Variants in IFIT5 observed in about 807,000 individuals in gnomAD.
The protein encoded by IFIT5 is interferon induced protein with tetratricopeptide repeats 5.
A neutral mutation model predicts 5.0 loss-of-function variants in IFIT5; 2 were observed. The ratio of observed to expected loss-of-function variants is 0.40; its 90% CI spans 0.16 to 1.26. The LOEUF (loss-of-function observed/expected upper bound fraction) is 1.26. Ranked by LOEUF, IFIT5 falls within the 50% of genes most tolerant of loss-of-function variation. The pLI, the probability that IFIT5 is intolerant of heterozygous loss-of-function variation, is 0.33. For missense variants in IFIT5, 524 were observed against 563.2 expected (o/e 0.93, Z 0.70); for synonymous variants, 206 against 204.6 (o/e 1.01, Z -0.06).
rs1304072232 is a variant in IFIT5 at position 89,417,700 on chromosome 10, G to A, written c.501G>A (p.Leu167=). The A allele has an allele frequency of 6.2e-7, 1 of 1,614,204 alleles. No homozygotes were observed. Among genetic ancestry groups the A allele is most frequent in the African/African-American group, 1.3e-5 (1 of 75,048 alleles). The change falls in exon 2 of 2, where the codon CTG becomes CTA. Residue 167 remains leucine (L), a synonymous_variant. Coordinates refer to ENST00000371795, the MANE Select transcript of IFIT5 (RefSeq NM_012420.3). ...QKAKAAFEKA[L]EVEPDNPEFN... ...CTAAAGCGGCTTTTGAGAAGGCTCT[G>A]GAAGTGGAGCCTGACAATCCAGAAT...
rs1841588332 is a variant in IFIT5, at chr10:89,420,625, G to C, written c.*1977G>C. On this transcript the variant is annotated 3_prime_UTR_variant, in exon 2 of 2. Transcript: ENST00000371795. ...AAACAAGCTCCTCCTAGGTGAGGATGCTGTGGCTGTTCTAATTACATTTTG... is the reference window on the plus strand; with the variant it reads ...AAACAAGCTCCTCCTAGGTGAGGATCCTGTGGCTGTTCTAATTACATTTTG... The C allele has an allele frequency of 1.3e-5, 2 of 152,342 alleles. No homozygotes were observed. The highest frequency in any genetic ancestry group is 4.8e-5 in the African/African-American group (2 of 41,582). 9.4% of individuals were successfully genotyped at this position (152,342 alleles called of 1,614,324 possible).
At position 89,417,695 on chromosome 10, in the gene IFIT5, G is replaced by C. The variant is rs999503013; in HGVS notation, c.496G>C (p.Ala166Pro). 2.2e-5 allele frequency: 35 copies of C among 1,614,090 alleles called. No homozygotes were observed. The highest frequency in any genetic ancestry group is 2.9e-5 in the Non-Finnish European group (34 of 1,180,048). ...AAAGGCTAAAGCGGCTTTTGAGAAG[G>C]CTCTGGAAGTGGAGCCTGACAATCC... ...YQKAKAAFEK[A>P]LEVEPDNPEF... The change falls in exon 2 of 2, where the codon GCT becomes CCT. Residue 166 changes from alanine (A) to proline (P), a missense_variant. Physicochemically the swap from Ala to Pro is conservative, Grantham distance 27. Transcript: ENST00000371795.
At position 89,418,707 on chromosome 10, in the gene IFIT5, GTTTTT is replaced by G; in HGVS notation, c.*65_*69del. ...CCCTTCATTTTGGGTTCTCCTGTTT[GTTTTT>G]TTTTTATTATTTTAATCCCTTGTTT... On this transcript the variant is annotated 3_prime_UTR_variant, in exon 2 of 2. Coordinates refer to ENST00000371795, the MANE Select transcript of IFIT5 (RefSeq NM_012420.3). 3.0e-6 allele frequency: 4 copies of G among 1,335,470 alleles called. No individual in the cohort carries two copies. Among genetic ancestry groups the G allele is most frequent in the East Asian group, 2.6e-5 (1 of 38,812 alleles). 82.7% of individuals were successfully genotyped at this position (1,335,470 alleles called of 1,614,324 possible).
chr10:89,416,271 C>CAACAACAACAACAACAA (rs1564816867), intron 1 of IFIT5, among the ~76,000 whole-genome samples: 1 of 118,352 alleles, frequency 8.4e-6, no homozygotes, highest in African/African-American at 3.5e-5. Flanking sequence ...AGGGGCTTGA[C>CAACAACAACAACAACAA]AACAACAACA....
At position 89,417,247 on chromosome 10, in the gene IFIT5, AG is replaced by A; in HGVS notation, c.49del (p.Glu17AsnfsTer18). ...CCTTGAAGGCCATTCTGTTGGAGTT[AG>A]AATGTCATTTTACATGGAATTTACT... ...DTLKAILLEL[E>X]CHFTWNLLKE... On this transcript the variant is annotated frameshift_variant, in exon 2 of 2. Transcript: ENST00000371795. LOFTEE classifies it low-confidence loss of function (END_TRUNC). The A allele has an allele frequency of 6.2e-7, 1 of 1,610,966 alleles. No homozygotes were observed. The highest frequency in any genetic ancestry group is 1.3e-5 in the African/African-American group (1 of 75,014).
chr10:89,417,895 T>G lies in IFIT5; in HGVS notation c.696T>G (p.Ala232=), dbSNP rs1841557414. The G allele has an allele frequency of 2.2e-5, 35 of 1,614,170 alleles. No individual in the cohort carries two copies. The highest frequency in any genetic ancestry group is 3.0e-5 in the Non-Finnish European group (35 of 1,180,018). The change falls in exon 2 of 2, where the codon GCT becomes GCG. Residue 232 remains alanine, a synonymous_variant. Transcript: ENST00000371795. ...ALKLQDVHAE[A]EGEKYIEEIL... is the part of the protein sequence containing the mutation. The stretch of plus-strand genomic sequence containing the variant: ...AGCTTCAAGATGTACATGCAGAAGC[T>G]GAAGGGGAAAAGTATATTGAAGAAA...
chr10:89,414,743 G>GGA lies in IFIT5; in HGVS notation c.-50_-49dup. 1 of 1,597,554 alleles carries GGA rather than the reference G, an allele frequency of 6.3e-7. No individual in the cohort carries two copies. The highest frequency in any genetic ancestry group is 1.1e-5 in the South Asian group (1 of 89,430). On this transcript the variant is annotated 5_prime_UTR_variant, in exon 1 of 2. Coordinates refer to ENST00000371795, the MANE Select transcript of IFIT5 (RefSeq NM_012420.3). Reference sequence around the variant, plus strand: ...GGCTTCCCGCGGTCCCCGGTGCTGAGGAGAGAGCGATCCGAGGGACTGCGC... The same window carrying GGA: ...GGCTTCCCGCGGTCCCCGGTGCTGAGGAGAGAGAGCGATCCGAGGGACTGCGC...
In IFIT5 at chr10:89,420,410, G is replaced by A. The variant is rs1034860827; in HGVS notation, c.*1762G>A. The A allele has an allele frequency of 6.6e-6, 1 of 152,172 alleles. No individual in the cohort carries two copies. Among genetic ancestry groups the A allele is most frequent in the Non-Finnish European group, 1.5e-5 (1 of 68,036 alleles). The allele number at this position is 152,172 out of a possible 1,614,324, so 9.4% of individuals were successfully genotyped here. A position where few individuals can be genotyped will look rare whatever the true frequency, so the allele number is the denominator to read the frequency against. On this transcript the variant is annotated 3_prime_UTR_variant, in exon 2 of 2. Coordinates refer to ENST00000371795, the MANE Select transcript of IFIT5 (RefSeq NM_012420.3). Reference sequence around the variant, plus strand: ...AGCAGGCCATTTCTCCCACCTGAAAGTACATAACTTCTATCACTTGCCACA... The same window carrying A: ...AGCAGGCCATTTCTCCCACCTGAAAATACATAACTTCTATCACTTGCCACA...
chr10:89,414,741 G>A lies in IFIT5; in HGVS notation c.-58G>A, dbSNP rs1359433955. On this transcript the variant is annotated 5_prime_UTR_variant, in exon 1 of 2. Transcript: ENST00000371795. ...GCGGCTTCCCGCGGTCCCCGGTGCT[G>A]AGGAGAGAGCGATCCGAGGGACTGC... 1.3e-6 allele frequency: 2 copies of A among 1,593,694 alleles called. No homozygotes were observed. Among genetic ancestry groups the A allele is most frequent in the African/African-American group, 2.8e-5 (2 of 72,660 alleles).
At chr10:89,415,706 A>G (rs1841529227) in intron 1 of IFIT5, among the ~76,000 whole-genome samples, 1 of 152,096 alleles carries the variant, frequency 6.6e-6, no homozygotes, top group Non-Finnish European at 1.5e-5. Context: ...CTTGTTCTAA[A>G]TCCGGACTGA....
Position 89,417,967 on chromosome 10 carries a change from C to T in IFIT5, c.768C>T (p.Ala256=). Residue 256 remains alanine, a synonymous_variant, in exon 2 of 2, where the codon GCC becomes GCT. Coordinates refer to ENST00000371795, the MANE Select transcript of IFIT5 (RefSeq NM_012420.3). ...SSQPYVLRYA[A]KFYRRKNSWN... Reference sequence around the variant, plus strand: ...AGCCTTACGTCCTTCGTTATGCAGCCAAGTTCTATAGGAGAAAAAATTCCT... The same window carrying T: ...AGCCTTACGTCCTTCGTTATGCAGCTAAGTTCTATAGGAGAAAAAATTCCT... 1 of 1,614,126 alleles carries T rather than the reference C, an allele frequency of 6.2e-7. No homozygotes were observed. Among genetic ancestry groups the T allele is most frequent in the South Asian group, 1.1e-5 (1 of 91,070 alleles).
At position 89,417,494 on chromosome 10, in the gene IFIT5, A is replaced by G. The variant is rs59827270; in HGVS notation, c.295A>G (p.Asn99Asp). Residue 99 changes from asparagine (N) to aspartate (D), a missense_variant, in exon 2 of 2, where the codon AAC becomes GAC. Physicochemically the swap from Asn to Asp is conservative, Grantham distance 23. Transcript: ENST00000371795. ...AGTACGAAGCCTGGTCACTTGGGGA[A>G]ACTATGCCTGGGTGTATTATCACAT... The part of the protein sequence containing the change: ...EEVRSLVTWG[N>D]YAWVYYHMDQ... 207 of 1,614,186 alleles carry G rather than the reference A, an allele frequency of 1.3e-4. No homozygotes were observed. The African/African-American group carries it at 2.5e-3, about 20-fold the overall frequency.
At chr10:89,416,269 G>A (rs1024136868) in intron 1 of IFIT5, among the ~76,000 whole-genome samples, 3 of 134,088 alleles carry the variant, frequency 2.2e-5, no homozygotes, top group Non-Finnish European at 4.8e-5. Context: ...GAAGGGGCTT[G>A]ACAACAACAA....
In IFIT5 at chr10:89,418,703, G is replaced by T; in HGVS notation, c.*55G>T. 2.0e-6 allele frequency: 3 copies of T among 1,487,614 alleles called. No individual in the cohort carries two copies. Among genetic ancestry groups the T allele is most frequent in the African/African-American group, 1.4e-5 (1 of 69,076 alleles). The allele number at this position is 1,487,614 out of a possible 1,614,324, so 92.2% of individuals were successfully genotyped here. ...TTTTCCCTTCATTTTGGGTTCTCCT[G>T]TTTGTTTTTTTTTTATTATTTTAAT... On this transcript the variant is annotated 3_prime_UTR_variant, in exon 2 of 2. Coordinates refer to ENST00000371795, the MANE Select transcript of IFIT5 (RefSeq NM_012420.3).
At position 89,419,361 on chromosome 10, in the gene IFIT5, CTTTT is replaced by C. The variant is rs11387675; in HGVS notation, c.*721_*724del. On this transcript the variant is annotated 3_prime_UTR_variant, in exon 2 of 2. Transcript: ENST00000371795. Reference sequence around the variant, plus strand: ...AAAATAGTGAGTCTCAAATTGTTCTCTTTTTTTTTTTAACTAAAACAAATCTGCA... The same window carrying C: ...AAAATAGTGAGTCTCAAATTGTTCTCTTTTTTTAACTAAAACAAATCTGCA... 9.6e-6 allele frequency: 1 copy of C among 104,296 alleles called. No individual in the cohort carries two copies. The highest frequency in any genetic ancestry group is 3.6e-5 in the African/African-American group (1 of 27,776). 6.5% of individuals were successfully genotyped at this position (104,296 alleles called of 1,614,324 possible).
intron 1 of IFIT5, 74 bp downstream of exon 1, chr10:89,414,877 T>C: frequency 6.4e-7 from 1 of 1,565,144 alleles, no homozygotes; most frequent in South Asian, 1.2e-5. Context: ...CTTTTATTCA[T>C]TTCCAGCGCA....
intron 1 of IFIT5, among the ~76,000 whole-genome samples, chr10:89,415,371 A>T (rs933074188): frequency 6.6e-6 from 1 of 152,182 alleles, no homozygotes; most frequent in Non-Finnish European, 1.5e-5. Flanking sequence ...TCGGTGTGGC[A>T]TACGCGGTTT....
At chr10:89,417,126 T>G (rs915194993) in intron 1 of IFIT5, 79 bp from the exon 2 acceptor site, 20 of 1,226,344 alleles carry the variant, frequency 1.6e-5, no homozygotes, top group Non-Finnish European at 2.1e-5. Context: ...TTAGTTGTTA[T>G]GCAAAGAACA....
intron 1 of IFIT5, among the ~76,000 whole-genome samples, 155 bp downstream of exon 1, chr10:89,414,958 C>A (rs554363612): frequency 2.0e-5 from 3 of 152,294 alleles, no homozygotes; most frequent in African/African-American, 7.2e-5. Flanking sequence ...GGACCCTCCC[C>A]GGGCGCTCTG....
Sources: gnomAD v4.1 joint callset for allele counts (sites outside exome capture counted in the v4.1 genomes callset) on GRCh38, gnomAD v4.1.1 for gene constraint, MANE v1.5 for transcripts, NCBI Gene and HGNC (gene_info 2026-07-23, HGNC 2026-07-21) for gene names.